MAGI2: variants seen among roughly 807,000 people sequenced by gnomAD.
MAGI2 encodes membrane-associated guanylate kinase, WW and PDZ domain-containing protein 2.
MAGI2 carries 35 observed loss-of-function variants against 133.3 expected under a neutral mutation model. The ratio of observed to expected loss-of-function variants is 0.26; its 90% CI spans 0.20 to 0.35. The LOEUF (loss-of-function observed/expected upper bound fraction) is 0.35, where lower values mean the gene tolerates loss of function less well. Ranked by LOEUF, MAGI2 falls within the 10% of genes least tolerant of loss-of-function variation. The probability of loss-of-function intolerance (pLI) is 1.00; values close to 1 mark genes in which losing one functional copy is unlikely to be tolerated. For missense variants in MAGI2, 1,636 were observed against 1,863.4 expected, an observed-to-expected ratio of 0.88 and a Z score of 2.25; for synonymous variants, 729 against 710.6, an observed-to-expected ratio of 1.03 and a Z score of -0.41.
rs566623191 is a variant in MAGI2 at position 78,640,106 on chromosome 7, T to C, written c.419-12867A>G. On this transcript the variant is annotated intron_variant, in intron 2 of 21. Transcript: ENST00000354212. ...GCAGCAGGACTCAGTTTCTATTCAA[T>C]TGTCATAATCCCCAGAACACTGTGG... 7.9e-5 allele frequency among the ~76,000 whole-genome samples: 12 copies of C among 152,248 alleles called. No homozygotes were observed. The South Asian group carries it at 1.9e-3, about 24-fold the overall frequency.
intron 9 of MAGI2, among the ~76,000 whole-genome samples, chr7:78,288,899 G>C (rs1394099888): frequency 5.9e-5 from 9 of 152,164 alleles, no homozygotes; most frequent in Non-Finnish European, 1.3e-4. Context: ...CTGACTGTTA[G>C]AAGGAAAACT....
chr7:78,509,753 T>G (rs746900674), intron 4 of MAGI2, among the ~76,000 whole-genome samples: 36 of 152,190 alleles, frequency 2.4e-4, no homozygotes, highest in Non-Finnish European at 3.8e-4. Context: ...GAAGCCAAGA[T>G]AAAACCATCT....
At chr7:79,186,219 TATATATATATATA>T (rs1827100161) in intron 1 of MAGI2, among the ~76,000 whole-genome samples, 4 of 29,758 alleles carry the variant, frequency 1.3e-4, no homozygotes, top group African/African-American at 1.9e-4. Flanking sequence ...TATATATATA[TATATATATATATA>T]TATATATATA....
At chr7:79,037,193 A>G (rs759977104) in intron 1 of MAGI2, among the ~76,000 whole-genome samples, 2 of 152,186 alleles carry the variant, frequency 1.3e-5, no homozygotes, top group Non-Finnish European at 2.9e-5. Flanking sequence ...AGTATGTTCC[A>G]CAAGATGTTA....
intron 1 of MAGI2, chr7:79,124,781 G>T: frequency 6.2e-6 from 1 of 162,192 alleles, no homozygotes; most frequent in South Asian, 1.6e-4. Flanking sequence ...GCTCTTCATT[G>T]GGTTGGGGGA....
rs536453170 is a variant in MAGI2 at position 78,767,240 on chromosome 7, C to CG, written c.419-140002dup. Among the ~76,000 whole-genome samples the CG allele has an allele frequency of 1.3e-3, 197 of 152,250 alleles. 1 individual carries two copies. Among genetic ancestry groups the CG allele is most frequent in the Non-Finnish European group, 2.0e-3 (136 of 68,018 alleles). ...TCCTAACCTTGTGATCCGCCTGCCT[C>CG]GGCCTTCCAAAGTGCCAGGATTACA... On this transcript the variant is annotated intron_variant, in intron 2 of 21. Coordinates refer to ENST00000354212, the MANE Select transcript of MAGI2 (RefSeq NM_012301.4).
chr7:78,424,253 C>T (rs1395324791), intron 6 of MAGI2, among the ~76,000 whole-genome samples: 1 of 152,172 alleles, frequency 6.6e-6, no homozygotes, highest in African/African-American at 2.4e-5. Flanking sequence ...GGATGGAAGC[C>T]CCAAACCTTG....
intron 1 of MAGI2, among the ~76,000 whole-genome samples, chr7:79,232,210 G>T (rs1831432630): frequency 6.6e-6 from 1 of 151,982 alleles, no homozygotes; most frequent in Admixed American, 6.6e-5. Context: ...TTTTATTGAG[G>T]ATTTTTGCAT....
intron 14 of MAGI2, among the ~76,000 whole-genome samples, chr7:78,169,638 A>G (rs1013069451): frequency 6.6e-6 from 1 of 152,226 alleles, no homozygotes; most frequent in African/African-American, 2.4e-5. Context: ...AAAATTTCCC[A>G]CACTACTTCT....
chr7:78,505,711 G>A (rs1795024839), intron 4 of MAGI2, among the ~76,000 whole-genome samples: 1 of 152,196 alleles, frequency 6.6e-6, no homozygotes, highest in Admixed American at 6.5e-5. Context: ...CTCCAAATAT[G>A]TCAAGATGTG....
At chr7:78,865,351 C>A (rs923497713) in intron 2 of MAGI2, among the ~76,000 whole-genome samples, 4 of 152,098 alleles carry the variant, frequency 2.6e-5, no homozygotes, top group Non-Finnish European at 5.9e-5. Flanking sequence ...TGAGGAAGAC[C>A]ATTAGTCAAG....
rs181679955 is a variant in MAGI2 at position 79,393,073 on chromosome 7, G to C, written c.301+59947C>G. On this transcript the variant is annotated intron_variant, in intron 1 of 21. Transcript: ENST00000354212. ...ATACTTCAGCCTTTATTCTCCACTA[G>C]TATCTATTTGCAGTGTATATTTGGT... 5.8e-4 allele frequency among the ~76,000 whole-genome samples: 89 copies of C among 152,212 alleles called. No individual in the cohort carries two copies. In the South Asian group the frequency reaches 9.5e-3, roughly 16 times the overall value.
At chr7:79,368,876 A>C (rs905825368) in intron 1 of MAGI2, among the ~76,000 whole-genome samples, 2 of 147,278 alleles carry the variant, frequency 1.4e-5, no homozygotes, top group Non-Finnish European at 3.0e-5. Context: ...AAAAAAAAAA[A>C]GTCTATTGTA....
intron 10 of MAGI2, among the ~76,000 whole-genome samples, chr7:78,227,167 TA>T (rs1789472142): frequency 6.6e-6 from 1 of 152,244 alleles, no homozygotes; most frequent in African/African-American, 2.4e-5. Context: ...AATATTCATT[TA>T]AAAATAGTTT....
At chr7:79,292,808 C>T (rs1233062405) in intron 1 of MAGI2, among the ~76,000 whole-genome samples, 2 of 111,380 alleles carry the variant, frequency 1.8e-5, no homozygotes, top group Non-Finnish European at 3.7e-5. Flanking sequence ...AAAGGCAGCT[C>T]CTCAGCTGTC....
Position 78,755,204 on chromosome 7 carries a change from G to A in MAGI2, c.419-127965C>T, listed in dbSNP as rs571371823. On this transcript the variant is annotated intron_variant, in intron 2 of 21. Transcript: ENST00000354212. ...AGACACTAAATGATCCTGAGCTCAA[G>A]AATAACTTTTTGTAAGTATGTACGG... Among the ~76,000 whole-genome samples the A allele has an allele frequency of 5.2e-4, 79 of 152,256 alleles. 3 individuals are homozygous for A. In the South Asian group the frequency reaches 0.016, roughly 30 times the overall value.
chr7:79,131,328 T>C (rs2129545371), intron 1 of MAGI2, among the ~76,000 whole-genome samples: 1 of 152,312 alleles, frequency 6.6e-6, no homozygotes, highest in African/African-American at 2.4e-5. Flanking sequence ...GTTTCATCTA[T>C]ACTGTAAACA....
intron 2 of MAGI2, among the ~76,000 whole-genome samples, chr7:78,923,353 C>T (rs1210984162): frequency 3.9e-5 from 6 of 152,122 alleles, no homozygotes; most frequent in Admixed American, 2.6e-4. Flanking sequence ...TTTAATCCAT[C>T]TTGAATTAAT....
chr7:78,703,831 CAA>C (rs142822316), intron 2 of MAGI2, among the ~76,000 whole-genome samples: 67,756 of 125,022 alleles, frequency 0.54, 15,254 homozygotes, highest in Admixed American at 0.58. Flanking sequence ...CATACACACA[CAA>C]ACACACACAC....
Sources: gnomAD v4.1 joint callset for allele counts (sites outside exome capture counted in the v4.1 genomes callset) on GRCh38, gnomAD v4.1.1 for gene constraint, MANE v1.5 for transcripts, NCBI Gene and HGNC (gene_info 2026-07-23, HGNC 2026-07-21) for gene names.